Variants in CLPB observed in about 807,000 individuals in gnomAD.
CLPB encodes the protein mitochondrial disaggregase.
CLPB carries 40 observed loss-of-function variants against 78.4 expected under a neutral mutation model. That is an observed-to-expected ratio of 0.51 (90% CI 0.40 to 0.66). The LOEUF (loss-of-function observed/expected upper bound fraction) is 0.66, where lower values mean the gene tolerates loss of function less well. Ranked by LOEUF, CLPB falls within the 30% of genes least tolerant of loss-of-function variation. CLPB has a pLI of 0.00. For synonymous variants in CLPB, 333 were observed against 348.0 expected, an observed-to-expected ratio of 0.96 and a Z score of 0.48; for missense variants, 780 against 886.9, an observed-to-expected ratio of 0.88 and a Z score of 1.53.
rs1949425996 is a variant in CLPB, at chr11:72,289,402, T to C, written c.*3965A>G. ...GTAGGAATACTGCACACAGGCTGGT[T>C]ACTAGCTGACTTAACTAGAGCCTCT... On this transcript the variant is annotated 3_prime_UTR_variant, in exon 16 of 16. Transcript: ENST00000538039. The C allele has an allele frequency of 6.6e-6, 1 of 152,140 alleles. No homozygotes were observed. Among genetic ancestry groups the C allele is most frequent in the African/African-American group, 2.4e-5 (1 of 41,422 alleles). 9.4% of individuals were successfully genotyped at this position (152,140 alleles called of 1,614,324 possible). A position where few individuals can be genotyped will look rare whatever the true frequency, so the allele number is the denominator to read the frequency against.
chr11:72,302,236 C>G, intron 10 of CLPB, 68 bp downstream of exon 10: 1 of 1,517,118 alleles, frequency 6.6e-7, no homozygotes, highest in Non-Finnish European at 9.2e-7. Flanking sequence ...GCCCAAATGA[C>G]AAGACCCCGG....
chr11:72,334,219 T>C (rs1007081407), intron 5 of CLPB, among the ~76,000 whole-genome samples: 1 of 152,182 alleles, frequency 6.6e-6, no homozygotes, highest in Non-Finnish European at 1.5e-5. Flanking sequence ...AGGAGTCGTG[T>C]CACTTCTCAT....
chr11:72,330,010 A>C (rs1211198857), intron 5 of CLPB, among the ~76,000 whole-genome samples: 2 of 152,244 alleles, frequency 1.3e-5, no homozygotes, highest in Admixed American at 1.3e-4. Flanking sequence ...TGTGTTATAC[A>C]TACACAAACA....
chr11:72,317,323 G>A (rs1316827421), intron 6 of CLPB, 103 bp from the exon 7 acceptor site: 1 of 805,000 alleles, frequency 1.2e-6, no homozygotes, highest in Admixed American at 2.9e-5. Flanking sequence ...GGTATCCAGG[G>A]GTCCTGCTTC....
At chr11:72,415,210 G>A (rs1423647297) in intron 2 of CLPB, among the ~76,000 whole-genome samples, 5 of 151,914 alleles carry the variant, frequency 3.3e-5, no homozygotes, top group African/African-American at 4.8e-5. Flanking sequence ...GTGAGACTCC[G>A]TCTCAAAAAA....
intron 2 of CLPB, among the ~76,000 whole-genome samples, chr11:72,425,586 GGCTAGGCACAAA>G (rs1336012637): frequency 6.6e-6 from 1 of 152,132 alleles, no homozygotes; most frequent in African/African-American, 2.4e-5. Flanking sequence ...TTCAGCTCAG[GGCTAGGCACAAA>G]GCACAGGCTG....
intron 2 of CLPB, among the ~76,000 whole-genome samples, chr11:72,424,613 A>G (rs989314272): frequency 1.3e-5 from 2 of 148,672 alleles, no homozygotes; most frequent in Non-Finnish European, 3.0e-5. Context: ...AAACAAAAAT[A>G]CCCTGGGCGT....
Position 72,293,679 on chromosome 11 carries a change from A to G in CLPB, c.1786-64T>C. 3 of 1,547,514 alleles carry G rather than the reference A, an allele frequency of 1.9e-6. No homozygotes were observed. The South Asian group carries it at 3.7e-5, about 19-fold the overall frequency. On this transcript the variant is annotated intron_variant, in intron 15 of 15. Coordinates refer to ENST00000538039, the MANE Select transcript of CLPB (RefSeq NM_001258392.3). ...GGACCCAGCTTGGAGGTCGGCCTCC[A>G]TCACTTACTGCTAGGGCAACTCAGA... is the stretch of plus-strand genomic sequence containing the variant.
chr11:72,359,109 C>G (rs1410007900), intron 4 of CLPB, 101 bp from the exon 5 acceptor site: 1 of 1,576,608 alleles, frequency 6.3e-7, no homozygotes, highest in Admixed American at 1.7e-5. Flanking sequence ...ACTCATCTAC[C>G]TACTTACTAA....
intron 5 of CLPB, among the ~76,000 whole-genome samples, chr11:72,342,448 T>C (rs1490692993): frequency 6.6e-6 from 1 of 152,162 alleles, no homozygotes; most frequent in Non-Finnish European, 1.5e-5. Context: ...TGAGGATCCT[T>C]AGCTCATTTT....
intron 6 of CLPB, among the ~76,000 whole-genome samples, chr11:72,323,986 A>G (rs1950089102): frequency 6.6e-6 from 1 of 152,134 alleles, no homozygotes; most frequent in South Asian, 2.1e-4. Flanking sequence ...TTATGTACAT[A>G]AATAATAAAG....
chr11:72,327,392 T>C (rs1275194170), intron 6 of CLPB, among the ~76,000 whole-genome samples: 1 of 152,232 alleles, frequency 6.6e-6, no homozygotes, highest in African/African-American at 2.4e-5. Context: ...TCGAATATGG[T>C]GTCTGTAATT....
At position 72,287,057 on chromosome 11, in the gene CLPB, CCTT is replaced by C. The variant is rs1949399620; in HGVS notation, c.*6307_*6309del. 1 of 151,996 alleles carries C rather than the reference CCTT, an allele frequency of 6.6e-6. No individual in the cohort carries two copies. Among genetic ancestry groups the C allele is most frequent in the African/African-American group, 2.4e-5 (1 of 41,354 alleles). 9.4% of individuals were successfully genotyped at this position (151,996 alleles called of 1,614,324 possible). A position where few individuals can be genotyped will look rare whatever the true frequency, so the allele number is the denominator to read the frequency against. On this transcript the variant is annotated 3_prime_UTR_variant, in exon 16 of 16. Transcript: ENST00000538039. ...CTGAGCCTTGCATTGCTAAAATAAA[CCTT>C]ATGTAATCAGAGTGTGCAATTCAAC...
intron 2 of CLPB, chr11:72,429,241 C>T (rs1462241621): frequency 6.6e-6 from 1 of 152,162 alleles, no homozygotes; most frequent in Non-Finnish European, 1.5e-5. Context: ...ATTTATTTGG[C>T]TACAAAACAA....
intron 4 of CLPB, among the ~76,000 whole-genome samples, chr11:72,374,635 G>A (rs1179311279): frequency 6.6e-6 from 1 of 152,244 alleles, no homozygotes; most frequent in Non-Finnish European, 1.5e-5. Context: ...TGGGAGAAGA[G>A]TGTCACTAGG....
intron 2 of CLPB, among the ~76,000 whole-genome samples, chr11:72,420,437 T>G (rs1179658308): frequency 1.3e-5 from 2 of 151,606 alleles, no homozygotes; most frequent in African/African-American, 4.9e-5. Context: ...GAGGTTGCAG[T>G]GAGCCGAGAT....
intron 12 of CLPB, among the ~76,000 whole-genome samples, chr11:72,294,952 C>T (rs1949523986): frequency 6.7e-6 from 1 of 148,182 alleles, no homozygotes; most frequent in African/African-American, 2.6e-5. Context: ...GGAGAGGAAA[C>T]GTCAGGATTA....
In CLPB at chr11:72,434,226, G is replaced by T; in HGVS notation, c.249C>A (p.Leu83=). The change falls in exon 1 of 16, where the codon CTC becomes CTA. Residue 83 remains leucine, a synonymous_variant. Coordinates refer to ENST00000538039, the MANE Select transcript of CLPB (RefSeq NM_001258392.3). ...GAAGGCGTCCCCAAGTGGCAGCCGC[G>T]AGGCATTTGGTATCGAAGCGTCCTC... ...RQGGRFDTKC[L]AAATWGRLPG... is the part of the protein sequence containing the mutation. 1.2e-6 allele frequency: 2 copies of T among 1,613,624 alleles called. No homozygotes were observed. Among genetic ancestry groups the T allele is most frequent in the African/African-American group, 1.3e-5 (1 of 75,034 alleles).
intron 2 of CLPB, among the ~76,000 whole-genome samples, chr11:72,427,439 G>A (rs1216715092): frequency 2.6e-5 from 4 of 152,160 alleles, no homozygotes; most frequent in South Asian, 4.1e-4. Context: ...ACAGTCATGC[G>A]CTACACAATG....
Sources: allele counts gnomAD v4.1 joint callset (sites outside exome capture counted in the v4.1 genomes callset), GRCh38; gene constraint gnomAD v4.1.1; transcripts MANE v1.5; gene names NCBI Gene and HGNC (gene_info 2026-07-23, HGNC 2026-07-21).